DIP2A: variants seen among roughly 807,000 people sequenced by gnomAD.
The protein encoded by DIP2A is DIP2 acetate--CoA ligase A, also known as disco-interacting protein 2 homolog A.
Under a neutral mutation model 177.4 loss-of-function variants are expected in DIP2A, and 85 were observed. The ratio of observed to expected loss-of-function variants is 0.48; its 90% CI spans 0.40 to 0.57. DIP2A has a LOEUF of 0.57. Among genes scored for constraint, DIP2A ranks in the 20% least tolerant of loss-of-function variants. DIP2A has a pLI of 0.00. For missense variants in DIP2A, 1,791 were observed against 2,100.2 expected (o/e 0.85, Z 2.88); for synonymous variants, 886 against 881.8 (o/e 1.00, Z -0.08).
intron 2 of DIP2A, among the ~76,000 whole-genome samples, chr21:46,489,582 C>T (rs2056890692): frequency 6.6e-6 from 1 of 152,218 alleles, no homozygotes. Context: ...CACAGCATCA[C>T]TTCTGCCACA....
rs191675563 is a variant in DIP2A at position 46,498,698 on chromosome 21, T to C, written c.520T>C (p.Ser174Pro). 38 of 1,613,764 alleles carry C rather than the reference T, an allele frequency of 2.4e-5. No individual in the cohort carries two copies. The highest frequency in any genetic ancestry group is 3.2e-5 in the Non-Finnish European group (38 of 1,179,872). Residue 174 changes from serine to proline, a missense_variant, in exon 5 of 38, where the codon TCG becomes CCG. By Grantham distance (74) the Ser-to-Pro change is moderately conservative. Transcript: ENST00000417564. The surrounding 1 kb of genome is among the most constrained non-coding windows in gnomAD (Gnocchi z 4.3). ...CTGGCTCGACCGGGTCATTCAGGGC[T>C]CGTCCACCTCATCCTCTGCATCCTC... ...EPWLDRVIQG[S>P]STSSSASSTS...
chr21:46,565,790 C>T lies in DIP2A; in HGVS notation c.4242C>T (p.Phe1414=). The T allele has an allele frequency of 6.2e-7, 1 of 1,614,016 alleles. No homozygotes were observed. The highest frequency in any genetic ancestry group is 8.5e-7 in the Non-Finnish European group (1 of 1,179,900). Residue 1414 remains phenylalanine (F), a synonymous_variant, in exon 36 of 38, where the codon TTC becomes TTT. Transcript: ENST00000417564. ...YGEEALHADH[F]SARLSFGDTQ... is the part of the protein sequence containing the mutation. ...AGGAGGCGCTTCATGCCGACCACTT[C>T]AGTGCCCGGCTGAGTTTTGGAGACA...
chr21:46,501,254 T>G (rs961305691), intron 5 of DIP2A, among the ~76,000 whole-genome samples: 4 of 152,224 alleles, frequency 2.6e-5, no homozygotes, highest in Non-Finnish European at 5.9e-5. Flanking sequence ...TAAAAATATA[T>G]CACTTTCAGT....
chr21:46,538,359 A>C, intron 15 of DIP2A, 124 bp from the exon 16 acceptor site: 1 of 1,352,702 alleles, frequency 7.4e-7, no homozygotes, highest in Non-Finnish European at 9.8e-7. Flanking sequence ...GTGACCTGGG[A>C]GCTAAGTGTT....
intron 2 of DIP2A, among the ~76,000 whole-genome samples, chr21:46,489,667 A>G (rs2056895907): frequency 6.6e-6 from 1 of 152,186 alleles, no homozygotes; most frequent in Non-Finnish European, 1.5e-5. Flanking sequence ...GGGAGTGGTA[A>G]GGGCTGGAGG....
intron 3 of DIP2A, among the ~76,000 whole-genome samples, chr21:46,493,009 A>G (rs190415832): frequency 8.9e-4 from 136 of 152,214 alleles, no homozygotes; most frequent in Non-Finnish European, 6.3e-4. Context: ...TATGAGTACA[A>G]TGGTTAGAAG....
chr21:46,551,675 G>A lies in DIP2A; in HGVS notation c.2881G>A (p.Gly961Arg). The A allele has an allele frequency of 6.2e-7, 1 of 1,614,000 alleles. No homozygotes were observed. The highest frequency in any genetic ancestry group is 8.5e-7 in the Non-Finnish European group (1 of 1,179,898). The change falls in exon 24 of 38, where the codon GGG (glycine) becomes AGG (arginine). Residue 961 changes from glycine to arginine, a missense_variant. Gly to Arg is a moderately radical substitution (Grantham distance 125). Transcript: ENST00000417564. ...AATGATCGTGGGGAACCTGGTTGCTGGGAAGAGAATCGCTCAGGCTTCCGG... is the reference window on the plus strand; with the variant it reads ...AATGATCGTGGGGAACCTGGTTGCTAGGAAGAGAATCGCTCAGGCTTCCGG... ...ASMIVGNLVA[G>R]KRIAQASGRE...
chr21:46,529,041 A>G, intron 8 of DIP2A, 51 bp from the exon 9 acceptor site: 2 of 1,205,070 alleles, frequency 1.7e-6, no homozygotes, highest in Non-Finnish European at 2.3e-6. Context: ...TAAAATGTTA[A>G]TTACTTGTTT....
chr21:46,549,240 G>T (rs2060178197), intron 21 of DIP2A, among the ~76,000 whole-genome samples: 1 of 152,292 alleles, frequency 6.6e-6, no homozygotes, highest in Admixed American at 6.5e-5. Flanking sequence ...GATGGGTTTG[G>T]TGGGGAGACC....
chr21:46,552,038 C>T (rs1401984789), intron 25 of DIP2A, 134 bp downstream of exon 25: 8 of 1,067,160 alleles, frequency 7.5e-6, no homozygotes, highest in Admixed American at 2.0e-5. Flanking sequence ...ACTCAGCCCC[C>T]GTCCTGGTTG....
At chr21:46,488,692 T>C (rs950255481) in intron 2 of DIP2A, among the ~76,000 whole-genome samples, 1 of 152,220 alleles carries the variant, frequency 6.6e-6, no homozygotes, top group Non-Finnish European at 1.5e-5. Flanking sequence ...CATCTAGTGC[T>C]GACAGAGAGT....
At chr21:46,576,033 A>G in the DIP2A span, among the ~76,000 whole-genome samples, 64 of 152,362 alleles carry the variant, frequency 4.2e-4, no homozygotes, top group African/African-American at 1.4e-3. Flanking sequence ...AAATAAGGAC[A>G]TTCTTAGATA....
At chr21:46,463,680 T>TTGTG (rs5844275) in intron 1 of DIP2A, among the ~76,000 whole-genome samples, 18,873 of 130,846 alleles carry the variant, frequency 0.14, 1,282 homozygotes, top group South Asian at 0.16. Context: ...TGGGATATAT[T>TTGTG]TGTGTGTGTG....
At chr21:46,496,081 A>T (rs200645840) in intron 3 of DIP2A, among the ~76,000 whole-genome samples, 21 of 60,502 alleles carry the variant, frequency 3.5e-4, no homozygotes, top group East Asian at 9.6e-4. Context: ...AAAAAAAAAA[A>T]TTTTTTTTTC....
intron 33 of DIP2A, 185 bp from the exon 34 acceptor site, chr21:46,561,563 A>G (rs1307721238): frequency 1.4e-5 from 11 of 770,204 alleles, no homozygotes; most frequent in Non-Finnish European, 2.4e-5. Context: ...GGGTGGCGGC[A>G]CTTGGGACCG....
At chr21:46,578,822 G>A in the DIP2A span, among the ~76,000 whole-genome samples, 1 of 152,146 alleles carries the variant, frequency 6.6e-6, no homozygotes, top group African/African-American at 2.4e-5. Context: ...GATCATGGTA[G>A]GATAAGCTTT....
intron 1 of DIP2A, among the ~76,000 whole-genome samples, chr21:46,464,844 T>TTTTTTTTTTTTTTTA (rs58546395): frequency 9.0e-6 from 1 of 111,218 alleles, no homozygotes; most frequent in Non-Finnish European, 1.7e-5. Context: ...TTTTTTTTTT[T>TTTTTTTTTTTTTTTA]CAAGAAAACA....
At chr21:46,572,597 C>G (rs562345189), downstream of DIP2A, among the ~76,000 whole-genome samples, 1 of 152,300 alleles carries the variant, frequency 6.6e-6, no homozygotes, top group South Asian at 2.1e-4. Flanking sequence ...AGCTAGCATG[C>G]TCAGCGCCCC....
chr21:46,535,254 A>G (rs975209164), intron 13 of DIP2A, among the ~76,000 whole-genome samples: 1 of 152,230 alleles, frequency 6.6e-6, no homozygotes, highest in Admixed American at 6.5e-5. Context: ...AACTTGAGAT[A>G]TCTTTAAATT....
Sources: allele counts gnomAD v4.1 joint callset (sites outside exome capture counted in the v4.1 genomes callset), GRCh38; gene constraint gnomAD v4.1.1; non-coding constraint Gnocchi (gnomAD v3.1); transcripts MANE v1.5; gene names NCBI Gene and HGNC (gene_info 2026-07-23, HGNC 2026-07-21).